DOT1L: variants seen among roughly 807,000 people sequenced by gnomAD.
DOT1L encodes DOT1 like histone lysine methyltransferase.
Under a neutral mutation model 153.3 loss-of-function variants are expected in DOT1L, and 33 were observed. That is an observed-to-expected ratio of 0.22 (90% CI 0.16 to 0.29). DOT1L has a LOEUF of 0.29. DOT1L is among the 10% of genes least tolerant of loss of function. The pLI, the probability that DOT1L is intolerant of heterozygous loss-of-function variation, is 1.00. For synonymous variants in DOT1L, 1,135 were observed against 965.1 expected (o/e 1.18, Z -3.26); for missense variants, 1,847 against 2,119.9 (o/e 0.87, Z 2.53).
intron 27 of DOT1L, 45 bp from the exon 28 acceptor site, chr19:2,229,740 G>T: frequency 1.2e-6 from 2 of 1,612,248 alleles, no homozygotes; most frequent in African/African-American, 1.3e-5. Flanking sequence ...TCCCCCAGGC[G>T]CGATGGTAAC....
At chr19:2,206,521 C>CAAAAAA (rs5826758) in intron 9 of DOT1L, among the ~76,000 whole-genome samples, 1 of 80,714 alleles carries the variant, frequency 1.2e-5, no homozygotes. Context: ...GACTCTGTCT[C>CAAAAAA]AAAAAAAAAA....
intron 27 of DOT1L, chr19:2,227,667 G>T: frequency 3.1e-6 from 4 of 1,272,672 alleles, no homozygotes; most frequent in Non-Finnish European, 4.1e-6. Flanking sequence ...TTGTGAGCCT[G>T]CGGCTGCTGC....
chr19:2,208,076 AC>A lies in DOT1L; in HGVS notation c.963+397del, dbSNP rs1348934892. The stretch of plus-strand genomic sequence containing the variant: ...ATGTGAGAGGGTCCTGAGCGGGGAG[AC>A]ACCAGGGTCCATGGGTGGGGTCTGG... On this transcript the variant is annotated intron_variant, in intron 11 of 27. Coordinates refer to ENST00000398665, the MANE Select transcript of DOT1L (RefSeq NM_032482.3). The surrounding 1 kb of genome is among the most constrained non-coding windows in gnomAD (Gnocchi z 4.4). 1.3e-5 allele frequency among the ~76,000 whole-genome samples: 2 copies of A among 151,950 alleles called. No homozygotes were observed. Among genetic ancestry groups the A allele is most frequent in the African/African-American group, 4.8e-5 (2 of 41,344 alleles).
chr19:2,187,731 G>A (rs890992968), intron 3 of DOT1L, among the ~76,000 whole-genome samples: 1 of 152,084 alleles, frequency 6.6e-6, no homozygotes, highest in African/African-American at 2.4e-5. Flanking sequence ...GACCATCCTC[G>A]CTAGCACAGT....
At chr19:2,176,452 A>AT (rs887434382) in intron 1 of DOT1L, among the ~76,000 whole-genome samples, 1 of 152,170 alleles carries the variant, frequency 6.6e-6, no homozygotes, top group African/African-American at 2.4e-5. Context: ...CGGGGCACTC[A>AT]TTTTTAGAAG....
intron 27 of DOT1L, chr19:2,228,800 C>A: frequency 3.0e-6 from 3 of 985,382 alleles, no homozygotes; most frequent in Non-Finnish European, 3.6e-6. Flanking sequence ...CCCAGGCGCC[C>A]AGCATGTAGC....
Position 2,216,460 on chromosome 19 carries a change from G to C in DOT1L, c.2103G>C (p.Leu701=). 6.2e-7 allele frequency: 1 copy of C among 1,612,652 alleles called. No individual in the cohort carries two copies. Among genetic ancestry groups the C allele is most frequent in the Non-Finnish European group, 8.5e-7 (1 of 1,179,940 alleles). The change falls in exon 20 of 28, where the codon CTG becomes CTC. Residue 701 remains leucine, a synonymous_variant. Transcript: ENST00000398665. Reference sequence around the variant, plus strand: ...AGCTGGACTGCACCAAGTTCTCGCTGCCTCACTTGAGCAGCATGAGCCCGG... The same window carrying C: ...AGCTGGACTGCACCAAGTTCTCGCTCCCTCACTTGAGCAGCATGAGCCCGG... ...HLELDCTKFS[L]PHLSSMSPEL...
rs966215304 is a variant in DOT1L at position 2,208,553 on chromosome 19, C to T, written c.964-382C>T. Among the ~76,000 whole-genome samples, 16 of 152,226 alleles carry T rather than the reference C, an allele frequency of 1.1e-4. No individual in the cohort carries two copies. Among genetic ancestry groups the T allele is most frequent in the Non-Finnish European group, 2.9e-5 (2 of 68,034 alleles). ...CGGCCCCCACCTCCACGCAGTGCTG[C>T]TGCTTCAGCTGCCCTGGCACTGACG... On this transcript the variant is annotated intron_variant, in intron 11 of 27. Coordinates refer to ENST00000398665, the MANE Select transcript of DOT1L (RefSeq NM_032482.3). This position sits in a 1 kb window ranked among gnomAD's most constrained non-coding sequence, Gnocchi z 4.4.
chr19:2,229,062 G>A (rs2024488634), intron 27 of DOT1L: 3 of 985,336 alleles, frequency 3.0e-6, no homozygotes, highest in Admixed American at 6.1e-5. Context: ...CACAGCCGAG[G>A]GGCTTTCAGC....
intron 7 of DOT1L, among the ~76,000 whole-genome samples, chr19:2,198,389 G>A (rs377510943): frequency 4.5e-4 from 69 of 152,294 alleles, no homozygotes; most frequent in African/African-American, 1.5e-3. Flanking sequence ...GGCTTCCCGC[G>A]GCCTTGGAGA....
Position 2,201,131 on chromosome 19 carries a change from TCCTCCC to T in DOT1L, c.707+1194_707+1199del, listed in dbSNP as rs1213707863. Reference sequence around the variant, plus strand: ...TTCCTCGTCCTCCCCGCATTCCTCGTCCTCCCCGCATTCCTCGTCCTCCCCTCATTC... The same window carrying T: ...TTCCTCGTCCTCCCCGCATTCCTCGTCGCATTCCTCGTCCTCCCCTCATTC... On this transcript the variant is annotated intron_variant, in intron 8 of 27. Transcript: ENST00000398665. Among the ~76,000 whole-genome samples the T allele has an allele frequency of 2.3e-3, 306 of 135,010 alleles. 31 individuals carry two copies. Among genetic ancestry groups the T allele is most frequent in the African/African-American group, 8.1e-3 (285 of 35,050 alleles). 88.6% of individuals were successfully genotyped at this position (135,010 alleles called of 152,430 possible). A position where few individuals can be genotyped will look rare whatever the true frequency, so the allele number is the denominator to read the frequency against.
rs370705258 is a variant in DOT1L at position 2,220,388 on chromosome 19, G to C, written c.2806+166G>C. The C allele has an allele frequency of 1.3e-5, 10 of 740,948 alleles. No individual in the cohort carries two copies. The African/African-American group carries it at 1.4e-4, about 10-fold the overall frequency. 45.9% of individuals were successfully genotyped at this position (740,948 alleles called of 1,614,324 possible). On this transcript the variant is annotated intron_variant, in intron 23 of 27. Transcript: ENST00000398665. This position sits in a 1 kb window ranked among gnomAD's most constrained non-coding sequence, Gnocchi z 4.5. ...ACTGACACCCTTTCCTGCATCCCAC[G>C]AGCTGGGATGCGGATCGGGCTCAGC...
rs756214434 is a variant in DOT1L at position 2,216,921 on chromosome 19, G to C, written c.2409-34G>C. Reference sequence around the variant, plus strand: ...CCGCTGCCTCTGAGTGCCAGCCCACGGCCCTCGAGAGTGACTGCAGCTTCT... The same window carrying C: ...CCGCTGCCTCTGAGTGCCAGCCCACCGCCCTCGAGAGTGACTGCAGCTTCT... On this transcript the variant is annotated intron_variant, in intron 20 of 27. Coordinates refer to ENST00000398665, the MANE Select transcript of DOT1L (RefSeq NM_032482.3). 1.9e-6 allele frequency: 3 copies of C among 1,588,934 alleles called. No homozygotes were observed. The East Asian group carries it at 6.8e-5, about 36-fold the overall frequency.
rs1387262042 is a variant in DOT1L at position 2,197,353 on chromosome 19, G to A, written c.652-2531G>A. Among the ~76,000 whole-genome samples the A allele has an allele frequency of 6.6e-6, 1 of 152,198 alleles. No homozygotes were observed. The highest frequency in any genetic ancestry group is 1.5e-5 in the Non-Finnish European group (1 of 68,034). Reference sequence around the variant, plus strand: ...ATGGGTTCCTGGCTGTGGCAGGCGAGCCACACAGATCCCAGCACAGAGGAT... The same window carrying A: ...ATGGGTTCCTGGCTGTGGCAGGCGAACCACACAGATCCCAGCACAGAGGAT... On this transcript the variant is annotated intron_variant, in intron 7 of 27. Transcript: ENST00000398665. This position sits in a 1 kb window ranked among gnomAD's most constrained non-coding sequence, Gnocchi z 4.1.
chr19:2,203,007 C>T (rs1033451798), intron 9 of DOT1L, among the ~76,000 whole-genome samples: 3 of 152,124 alleles, frequency 2.0e-5, no homozygotes, highest in East Asian at 1.9e-4. Context: ...CTGCAACCTC[C>T]GCCTCCCGGG....
chr19:2,209,231 C>G (rs1001416245), intron 12 of DOT1L, among the ~76,000 whole-genome samples: 17 of 151,968 alleles, frequency 1.1e-4, no homozygotes, highest in South Asian at 4.2e-4. Flanking sequence ...ACCATTCAAT[C>G]TCTCTCTCTC....
chr19:2,165,876 C>A (rs934110205), intron 1 of DOT1L, among the ~76,000 whole-genome samples: 9 of 151,466 alleles, frequency 5.9e-5, no homozygotes, highest in Non-Finnish European at 1.2e-4. Context: ...TCACGCCATT[C>A]TCCTGCCTCA....
In DOT1L at chr19:2,220,906, TGGCTCATGCCTG is replaced by T; in HGVS notation, c.2806+685_2806+696del. 3.7e-6 allele frequency: 1 copy of T among 270,546 alleles called. No homozygotes were observed. The highest frequency in any genetic ancestry group is 7.4e-6 in the Non-Finnish European group (1 of 135,754). 16.8% of individuals were successfully genotyped at this position (270,546 alleles called of 1,614,324 possible). A position where few individuals can be genotyped will look rare whatever the true frequency, so the allele number is the denominator to read the frequency against. On this transcript the variant is annotated intron_variant, in intron 23 of 27. Transcript: ENST00000398665. The surrounding 1 kb of genome is among the most constrained non-coding windows in gnomAD (Gnocchi z 4.5). ...AAAAGTAAAATGTGGCCGGGCGTGGTGGCTCATGCCTGTAATCCCAGCACCTTGGGATGCCGA... is the reference window on the plus strand; with the variant it reads ...AAAAGTAAAATGTGGCCGGGCGTGGTTAATCCCAGCACCTTGGGATGCCGA...
intron 1 of DOT1L, among the ~76,000 whole-genome samples, chr19:2,177,695 C>T (rs2144684762): frequency 6.6e-6 from 1 of 152,208 alleles, no homozygotes; most frequent in South Asian, 2.1e-4. Flanking sequence ...CTGCCTGCTC[C>T]CTCGCCAACC....
Sources: gnomAD v4.1 joint callset for allele counts (sites outside exome capture counted in the v4.1 genomes callset) on GRCh38, gnomAD v4.1.1 for gene constraint, Gnocchi (gnomAD v3.1) non-coding constraint, MANE v1.5 for transcripts, NCBI Gene and HGNC (gene_info 2026-07-23, HGNC 2026-07-21) for gene names.